Variants in SLC10A7 observed in about 807,000 individuals in gnomAD.
SLC10A7 encodes the protein solute carrier family 10 member 7, also known as sodium/bile acid cotransporter 7.
In SLC10A7, 29 loss-of-function variants were observed where a neutral mutation model predicts 43.2. That is an observed-to-expected ratio of 0.67 (90% CI 0.50 to 0.92). SLC10A7 has a LOEUF of 0.92. Among genes scored for constraint, SLC10A7 ranks in the 40% least tolerant of loss-of-function variants. The pLI, the probability that SLC10A7 is intolerant of heterozygous loss-of-function variation, is 0.00. For missense variants in SLC10A7, 295 were observed against 403.2 expected (o/e 0.73, Z 2.30); for synonymous variants, 152 against 144.8 (o/e 1.05, Z -0.35).
Position 146,308,956 on chromosome 4 carries a change from T to C in SLC10A7, c.472-2947A>G, listed in dbSNP as rs1172438666. On this transcript the variant is annotated intron_variant, in intron 6 of 11. Transcript: ENST00000335472. ...TGCTTCCTGTGAGCTAGGGGCATGT[T>C]CTTGACACTGCGGATACAACTGTAG... 1.4e-4 allele frequency among the ~76,000 whole-genome samples: 21 copies of C among 152,196 alleles called. 1 individual carries two copies. Among genetic ancestry groups the C allele is most frequent in the Admixed American group, 1.4e-3 (21 of 15,278 alleles).
chr4:146,256,990 T>C (rs1727928052), intron 11 of SLC10A7: 1 of 1,229,770 alleles, frequency 8.1e-7, no homozygotes. Context: ...CTTTTGGAAA[T>C]GCTTCTGTTA....
At chr4:146,315,134 G>C (rs1207753256) in intron 6 of SLC10A7, among the ~76,000 whole-genome samples, 1 of 152,094 alleles carries the variant, frequency 6.6e-6, no homozygotes, top group African/African-American at 2.4e-5. Context: ...ACAACTTGTA[G>C]AGAACAGGAG....
chr4:146,478,721 T>C (rs1366232427), intron 4 of SLC10A7, among the ~76,000 whole-genome samples: 1 of 152,182 alleles, frequency 6.6e-6, no homozygotes, highest in African/African-American at 2.4e-5. Context: ...TAGCTGGGAT[T>C]TTTGAAAGAT....
At chr4:146,398,192 T>C (rs147248331) in intron 5 of SLC10A7, among the ~76,000 whole-genome samples, 1 of 152,344 alleles carries the variant, frequency 6.6e-6, no homozygotes, top group East Asian at 1.9e-4. Flanking sequence ...TAAATCTTTT[T>C]ACATGAGTCA....
chr4:146,445,299 G>A (rs1300736525), intron 4 of SLC10A7, among the ~76,000 whole-genome samples: 2 of 152,174 alleles, frequency 1.3e-5, no homozygotes, highest in Non-Finnish European at 2.9e-5. Context: ...ACTCGCGAAG[G>A]GGTTGGCTCA....
chr4:146,301,129 T>C (rs954701369), intron 7 of SLC10A7, among the ~76,000 whole-genome samples: 1 of 152,200 alleles, frequency 6.6e-6, no homozygotes, highest in Non-Finnish European at 1.5e-5. Flanking sequence ...TTTAGGCAGC[T>C]CATCAATAAA....
intron 3 of SLC10A7, among the ~76,000 whole-genome samples, chr4:146,508,394 A>G (rs1248903650): frequency 2.0e-5 from 3 of 152,190 alleles, no homozygotes; most frequent in Middle Eastern, 3.2e-3. Flanking sequence ...CTTGATATGC[A>G]TAATACATTT....
At chr4:146,501,060 C>T (rs1026796185) in intron 4 of SLC10A7, among the ~76,000 whole-genome samples, 1 of 152,158 alleles carries the variant, frequency 6.6e-6, no homozygotes, top group African/African-American at 2.4e-5. Flanking sequence ...TTCTCTGTTG[C>T]CTTTGCTGGT....
chr4:146,324,213 A>G (rs1309754505), intron 6 of SLC10A7, among the ~76,000 whole-genome samples: 1 of 152,250 alleles, frequency 6.6e-6, no homozygotes, highest in African/African-American at 2.4e-5. Context: ...GCTCATGGAT[A>G]GGAAGAATCA....
At chr4:146,519,056 G>A (rs868285657) in intron 1 of SLC10A7, among the ~76,000 whole-genome samples, 2 of 76,510 alleles carry the variant, frequency 2.6e-5, no homozygotes, top group African/African-American at 5.2e-5. Context: ...CCAAGCTCAG[G>A]AAAAATCACC....
intron 6 of SLC10A7, among the ~76,000 whole-genome samples, chr4:146,320,222 T>A (rs1732608154): frequency 6.6e-6 from 1 of 152,064 alleles, no homozygotes; most frequent in African/African-American, 2.4e-5. Flanking sequence ...CTCCAGCATG[T>A]TCAGGTACAT....
intron 5 of SLC10A7, among the ~76,000 whole-genome samples, chr4:146,407,838 C>A (rs1423199833): frequency 6.6e-6 from 1 of 152,094 alleles, no homozygotes; most frequent in Non-Finnish European, 1.5e-5. Context: ...TGACAGATAG[C>A]CGAGATATTG....
At chr4:146,369,115 G>A (rs1040960303) in intron 5 of SLC10A7, among the ~76,000 whole-genome samples, 2 of 152,146 alleles carry the variant, frequency 1.3e-5, no homozygotes, top group African/African-American at 4.8e-5. Context: ...ACTGAGGACA[G>A]GGGCTACATC....
intron 4 of SLC10A7, among the ~76,000 whole-genome samples, chr4:146,502,800 A>G (rs900290455): frequency 6.6e-6 from 1 of 152,204 alleles, no homozygotes; most frequent in African/African-American, 2.4e-5. Context: ...ATTGCATAAA[A>G]CTCTAAAAAA....
At chr4:146,382,005 G>A (rs541290410) in intron 5 of SLC10A7, among the ~76,000 whole-genome samples, 1 of 151,930 alleles carries the variant, frequency 6.6e-6, no homozygotes, top group African/African-American at 2.4e-5. Flanking sequence ...AAAGAAAAAT[G>A]TCTCCCAATC....
chr4:146,377,202 A>C (rs1052683342), intron 5 of SLC10A7, among the ~76,000 whole-genome samples: 8 of 152,154 alleles, frequency 5.3e-5, no homozygotes, highest in African/African-American at 1.9e-4. Context: ...ACGGGGAGGA[A>C]AGTCTTTGAA....
chr4:146,324,295 A>C (rs1008546880), intron 6 of SLC10A7, among the ~76,000 whole-genome samples: 3 of 152,266 alleles, frequency 2.0e-5, no homozygotes, highest in Non-Finnish European at 4.4e-5. Flanking sequence ...GCTACCAATG[A>C]CTTTCTTCAC....
At chr4:146,367,079 G>T (rs1736445383) in intron 5 of SLC10A7, among the ~76,000 whole-genome samples, 1 of 151,760 alleles carries the variant, frequency 6.6e-6, no homozygotes, top group South Asian at 2.1e-4. Flanking sequence ...CAGCTCACAA[G>T]TTACTAGAAT....
intron 4 of SLC10A7, 102 bp from the exon 5 acceptor site, chr4:146,442,923 AAACAT>A: frequency 1.2e-6 from 1 of 853,824 alleles, no homozygotes; most frequent in Non-Finnish European, 1.8e-6. Context: ...CAAAACCTTA[AAACAT>A]TGACTCTATA....
Sources: allele counts gnomAD v4.1 joint callset (sites outside exome capture counted in the v4.1 genomes callset), GRCh38; gene constraint gnomAD v4.1.1; transcripts MANE v1.5; gene names NCBI Gene and HGNC (gene_info 2026-07-23, HGNC 2026-07-21).